Variants in CHM observed in about 807,000 individuals in gnomAD.
CHM encodes rab proteins geranylgeranyltransferase component A 1.
CHM carries 10 observed loss-of-function variants against 49.0 expected under a neutral mutation model. The observed-to-expected ratio is 0.20, with a 90% CI of 0.13 to 0.35. The LOEUF is 0.35. Among genes scored for constraint, CHM ranks in the 10% least tolerant of loss-of-function variants. CHM has a pLI of 1.00. For synonymous variants in CHM, 184 were observed against 167.5 expected (o/e 1.10, Z -0.76); for missense variants, 455 against 478.4 (o/e 0.95, Z 0.46).
At chrX:85,890,598 C>T (rs1925377126) in intron 12 of CHM, among the ~76,000 whole-genome samples, 1 of 112,047 alleles carries the variant, frequency 8.9e-6, no homozygotes. Flanking sequence ...TCTCCTTCTG[C>T]TGCCACGTAA....
intron 2 of CHM, among the ~76,000 whole-genome samples, chrX:86,006,377 A>G (rs1345357270): frequency 8.9e-6 from 1 of 111,986 alleles, no homozygotes; most frequent in Admixed American, 9.5e-5. Context: ...CTCTCTCACC[A>G]TGCCTATTCA....
intron 2 of CHM, among the ~76,000 whole-genome samples, chrX:85,990,995 T>C (rs770968719): frequency 8.9e-6 from 1 of 111,957 alleles, no homozygotes; most frequent in Admixed American, 9.5e-5. Context: ...CTGGGAACCA[T>C]TCTAATTATT....
intron 12 of CHM, among the ~76,000 whole-genome samples, chrX:85,886,942 A>G (rs959146569): frequency 9.4e-6 from 1 of 106,428 alleles, no homozygotes. Flanking sequence ...GCACTACTAC[A>G]GTAATGAATG....
intron 11 of CHM, among the ~76,000 whole-genome samples, chrX:85,899,691 CA>C (rs1556255768): frequency 1.4e-5 from 1 of 74,010 alleles, no homozygotes; most frequent in African/African-American, 5.2e-5. Context: ...CCCCCCGCCC[CA>C]AAAAAACCCC....
At chrX:85,875,640 A>C (rs1486517308) in intron 13 of CHM, among the ~76,000 whole-genome samples, 2 of 111,794 alleles carry the variant, frequency 1.8e-5, no homozygotes, top group Non-Finnish European at 3.8e-5. Context: ...CACACACAGA[A>C]AGGAATTAAG....
chrX:85,920,467 C>T (rs1473684559), intron 8 of CHM, among the ~76,000 whole-genome samples: 1 of 111,565 alleles, frequency 9.0e-6, no homozygotes, highest in African/African-American at 3.3e-5. Flanking sequence ...GTATTCAAAA[C>T]CCAAATAGGA....
intron 8 of CHM, among the ~76,000 whole-genome samples, chrX:85,949,541 G>A (rs1002050787): frequency 1.8e-5 from 2 of 110,338 alleles, no homozygotes; most frequent in African/African-American, 6.6e-5. Flanking sequence ...GAGGGAAAGA[G>A]TAACTAAGAA....
At chrX:85,894,054 T>C (rs1925654463) in intron 12 of CHM, 134 bp downstream of exon 12, 1 of 491,636 alleles carries the variant, frequency 2.0e-6, no homozygotes, top group East Asian at 3.7e-5. Flanking sequence ...ATAACCATCT[T>C]TTATATAAAC....
chrX:86,014,810 C>T (rs971586291), intron 2 of CHM, among the ~76,000 whole-genome samples: 5 of 111,643 alleles, frequency 4.5e-5, no homozygotes, highest in African/African-American at 1.6e-4. Flanking sequence ...GAAAGAACTT[C>T]AGGAAGCAGG....
At chrX:86,008,263 G>C (rs940562661) in intron 2 of CHM, among the ~76,000 whole-genome samples, 3 of 111,178 alleles carry the variant, frequency 2.7e-5, no homozygotes, top group African/African-American at 9.8e-5. Context: ...GTCGGCAGGT[G>C]GGGGGCTGGG....
intron 8 of CHM, among the ~76,000 whole-genome samples, chrX:85,931,738 C>A: frequency 8.9e-6 from 1 of 111,833 alleles, no homozygotes; most frequent in Middle Eastern, 4.6e-3. Flanking sequence ...CTCATCTATG[C>A]CAAAGCCTGT....
intron 2 of CHM, among the ~76,000 whole-genome samples, chrX:86,024,166 T>C (rs1933718506): frequency 8.9e-6 from 1 of 111,790 alleles, no homozygotes; most frequent in Non-Finnish European, 1.9e-5. Flanking sequence ...GCTGAGGGGA[T>C]ACCTTATGTA....
intron 2 of CHM, among the ~76,000 whole-genome samples, chrX:86,008,775 G>C (rs1235273976): frequency 8.9e-6 from 1 of 111,763 alleles, no homozygotes; most frequent in Non-Finnish European, 1.9e-5. Context: ...AACAAAAGCA[G>C]ACAGAGGCAA....
At position 85,884,539 on chromosome X, in the gene CHM, G is replaced by A. The variant is rs186078656; in HGVS notation, c.1511-5476C>T. 1.9e-3 allele frequency among the ~76,000 whole-genome samples: 211 copies of A among 111,186 alleles called. 1 individual carries two copies. Among genetic ancestry groups the A allele is most frequent in the Non-Finnish European group, 3.5e-3 (186 of 52,683 alleles). ...CTATGTTCTCCACCACTATAAGGTA[G>A]TATGTTAATGAAATGTACCTCCCTT... is the stretch of plus-strand genomic sequence containing the variant. On this transcript the variant is annotated intron_variant, in intron 12 of 14. Coordinates refer to ENST00000357749, the MANE Select transcript of CHM (RefSeq NM_000390.4).
intron 12 of CHM, among the ~76,000 whole-genome samples, chrX:85,882,157 G>C (rs1353578434): frequency 8.9e-6 from 1 of 111,767 alleles, no homozygotes; most frequent in Non-Finnish European, 1.9e-5. Flanking sequence ...GGGTTCAAGG[G>C]ATAAATGAGC....
intron 5 of CHM, among the ~76,000 whole-genome samples, chrX:85,961,835 C>T (rs1022828866): frequency 3.6e-5 from 4 of 111,024 alleles, no homozygotes; most frequent in Non-Finnish European, 7.5e-5. Context: ...TATTACTAAC[C>T]ATTCAAACCG....
At chrX:85,956,745 C>T (rs890624121) in intron 7 of CHM, among the ~76,000 whole-genome samples, 4 of 111,241 alleles carry the variant, frequency 3.6e-5, no homozygotes, top group Non-Finnish European at 7.5e-5. Context: ...ACTATGACAA[C>T]ATGGGAATGT....
chrX:85,897,306 C>CGTGTGTGTGT (rs533191230), intron 11 of CHM, among the ~76,000 whole-genome samples: 28 of 76,498 alleles, frequency 3.7e-4, no homozygotes, highest in African/African-American at 1.1e-3. Context: ...CTTGTGTGTG[C>CGTGTGTGTGT]GTGTGTGTGT....
At chrX:85,971,289 T>G (rs1930886354) in intron 4 of CHM, 1 of 717,471 alleles carries the variant, frequency 1.4e-6, no homozygotes, top group African/African-American at 2.3e-5. Context: ...TTGGTCTCAC[T>G]GACTTAAAGA....
Sources: allele counts gnomAD v4.1 joint callset (sites outside exome capture counted in the v4.1 genomes callset), GRCh38; gene constraint gnomAD v4.1.1; transcripts MANE v1.5; gene names NCBI Gene and HGNC (gene_info 2026-07-23, HGNC 2026-07-21).